The following SLC16A12 variants were observed in gnomAD, a reference collection of about 807,000 sequenced individuals.
SLC16A12 encodes the protein monocarboxylate transporter 12.
SLC16A12 carries 17 observed loss-of-function variants against 42.4 expected under a neutral mutation model. The observed-to-expected ratio is 0.40, with a 90% CI of 0.27 to 0.60. SLC16A12 has a LOEUF of 0.60. SLC16A12 is among the 20% of genes least tolerant of loss of function. The pLI is 0.42. For synonymous variants in SLC16A12, 224 were observed against 229.4 expected (o/e 0.98, Z 0.21); for missense variants, 544 against 623.0 (o/e 0.87, Z 1.35).
At chr10:89,440,907 A>T (rs1483978339) in intron 5 of SLC16A12, among the ~76,000 whole-genome samples, 2 of 152,232 alleles carry the variant, frequency 1.3e-5, no homozygotes, top group Non-Finnish European at 2.9e-5. Context: ...CATCTGGCTG[A>T]ATTACAGTGG....
At chr10:89,554,044 GAAAGAAAGAAAGAAA>G (rs1843787976) in intron 2 of SLC16A12, among the ~76,000 whole-genome samples, 1 of 50,036 alleles carries the variant, frequency 2.0e-5, no homozygotes, top group African/African-American at 8.1e-5. Context: ...AAGAAAGAAA[GAAAGAAAGAAAGAAA>G]GAAAGAAAGA....
At chr10:89,436,391 TG>T in intron 6 of SLC16A12, 72 bp from the exon 7 acceptor site, 1 of 1,567,400 alleles carries the variant, frequency 6.4e-7, no homozygotes, top group Non-Finnish European at 8.8e-7. Context: ...GCCACGGCTA[TG>T]CAGCAGTAAG....
intron 2 of SLC16A12, among the ~76,000 whole-genome samples, chr10:89,490,470 G>T (rs992733005): frequency 6.6e-6 from 1 of 152,002 alleles, no homozygotes; most frequent in Admixed American, 6.6e-5. Context: ...ATAAATCAAG[G>T]GTTCCCACAA....
chr10:89,546,004 C>G (rs537311115), intron 2 of SLC16A12, among the ~76,000 whole-genome samples: 7 of 152,300 alleles, frequency 4.6e-5, no homozygotes, highest in African/African-American at 1.7e-4. Flanking sequence ...AAAACTGAAA[C>G]TGGACCCGTT....
At chr10:89,538,326 C>A (rs149826388), upstream of SLC16A12, among the ~76,000 whole-genome samples, 1 of 152,284 alleles carries the variant, frequency 6.6e-6, no homozygotes, top group Non-Finnish European at 1.5e-5. Flanking sequence ...CCCAACACGG[C>A]TATAAAATAT....
At chr10:89,434,418 G>A (rs1030158076) in intron 7 of SLC16A12, among the ~76,000 whole-genome samples, 1 of 152,154 alleles carries the variant, frequency 6.6e-6, no homozygotes, top group Non-Finnish European at 1.5e-5. Context: ...CTAAAGGTTG[G>A]TGAGCACTAA....
chr10:89,473,099 A>G (rs1263452264), intron 2 of SLC16A12, among the ~76,000 whole-genome samples: 2 of 149,166 alleles, frequency 1.3e-5, no homozygotes, highest in African/African-American at 4.9e-5. Flanking sequence ...GATTACAGGC[A>G]TAAGTCACTA....
At chr10:89,468,608 G>A (rs952371546) in intron 2 of SLC16A12, among the ~76,000 whole-genome samples, 1 of 152,178 alleles carries the variant, frequency 6.6e-6, no homozygotes, top group Non-Finnish European at 1.5e-5. Flanking sequence ...GTTATCACAA[G>A]GTTATATGGC....
chr10:89,520,113 A>AAAG (rs1843329121), intron 2 of SLC16A12, among the ~76,000 whole-genome samples: 1 of 148,380 alleles, frequency 6.7e-6, no homozygotes, highest in Non-Finnish European at 1.5e-5. Context: ...ACTCTGTCTG[A>AAAG]AAAAAAAAAA....
intron 2 of SLC16A12, among the ~76,000 whole-genome samples, chr10:89,501,576 C>T (rs1236628743): frequency 6.6e-6 from 1 of 152,038 alleles, no homozygotes; most frequent in Admixed American, 6.6e-5. Flanking sequence ...CATGGCAAAA[C>T]CCCATCTATA....
At chr10:89,539,749 A>G (rs929086731), upstream of SLC16A12, among the ~76,000 whole-genome samples, 1 of 152,226 alleles carries the variant, frequency 6.6e-6, no homozygotes, top group African/African-American at 2.4e-5. Context: ...GACTAAATAC[A>G]AACAGCATAA....
At chr10:89,443,184 C>A (rs1018268837) in intron 4 of SLC16A12, among the ~76,000 whole-genome samples, 1 of 152,068 alleles carries the variant, frequency 6.6e-6, no homozygotes, top group African/African-American at 2.4e-5. Flanking sequence ...TATCTCATGA[C>A]GACATAATCC....
At chr10:89,463,572 T>C (rs995385244) in intron 2 of SLC16A12, among the ~76,000 whole-genome samples, 6 of 152,108 alleles carry the variant, frequency 3.9e-5, no homozygotes, top group Non-Finnish European at 8.8e-5. Flanking sequence ...ATAGGAAAAC[T>C]CCCTGAGGTG....
intron 3 of SLC16A12, among the ~76,000 whole-genome samples, chr10:89,451,193 A>C (rs572051909): frequency 1.3e-5 from 2 of 152,284 alleles, no homozygotes; most frequent in African/African-American, 4.8e-5. Context: ...TGCTTTAACA[A>C]TCCATAGTAA....
intron 2 of SLC16A12, among the ~76,000 whole-genome samples, chr10:89,503,593 AAAG>A (rs1453754024): frequency 6.6e-6 from 1 of 152,238 alleles, no homozygotes; most frequent in African/African-American, 2.4e-5. Context: ...GTGCCCAAAT[AAAG>A]AAGAGATGTG....
intron 3 of SLC16A12, among the ~76,000 whole-genome samples, chr10:89,449,319 A>C (rs138659111): frequency 2.6e-5 from 4 of 152,320 alleles, no homozygotes; most frequent in Non-Finnish European, 5.9e-5. Context: ...AACTCAAAAG[A>C]ACAAAGCTGG....
At chr10:89,526,752 C>T (rs935426221) in intron 2 of SLC16A12, among the ~76,000 whole-genome samples, 12 of 152,160 alleles carry the variant, frequency 7.9e-5, no homozygotes, top group African/African-American at 1.4e-4. Flanking sequence ...AGCTGGACAT[C>T]GGTCCGCCAC....
At chr10:89,549,437 A>G (rs141675146) in intron 2 of SLC16A12, among the ~76,000 whole-genome samples, 78 of 152,378 alleles carry the variant, frequency 5.1e-4, no homozygotes, top group Middle Eastern at 3.4e-3. Context: ...TGCTGTAGTA[A>G]GATTATTAAG....
chr10:89,439,243 G>T, intron 5 of SLC16A12, 60 bp from the exon 6 acceptor site: 2 of 1,485,138 alleles, frequency 1.3e-6, no homozygotes, highest in Non-Finnish European at 1.9e-6. Flanking sequence ...TGATATCTCA[G>T]AATACAATGA....
Sources: gnomAD v4.1 joint callset for allele counts (sites outside exome capture counted in the v4.1 genomes callset) on GRCh38, gnomAD v4.1.1 for gene constraint, MANE v1.5 for transcripts, NCBI Gene and HGNC (gene_info 2026-07-23, HGNC 2026-07-21) for gene names.